The following RYR2 variants were observed in gnomAD, a reference collection of about 807,000 sequenced individuals.
RYR2 encodes cardiac muscle ryanodine receptor-calcium release channel.
RYR2 carries 227 observed loss-of-function variants against 601.1 expected under a neutral mutation model. That is an observed-to-expected ratio of 0.38 (90% CI 0.34 to 0.42). RYR2 has a LOEUF of 0.42. RYR2 is among the 10% of genes least tolerant of loss of function. The pLI, the probability that RYR2 is intolerant of heterozygous loss-of-function variation, is 1.00. For missense variants in RYR2, 4,646 were observed against 6,156.5 expected (o/e 0.75, Z 8.21); for synonymous variants, 2,223 against 2,175.1 (o/e 1.02, Z -0.61).
intron 10 of RYR2, among the ~76,000 whole-genome samples, chr1:237,402,644 C>T (rs771194301): frequency 2.0e-5 from 3 of 152,150 alleles, no homozygotes; most frequent in Non-Finnish European, 2.9e-5. Flanking sequence ...GATTGGGAAA[C>T]AGGCTGGGCT....
Position 237,831,542 on chromosome 1 carries a change from G to A in RYR2, c.14785G>A (p.Asp4929Asn). 1 of 1,571,592 alleles carries A rather than the reference G, an allele frequency of 6.4e-7. No individual in the cohort carries two copies. Among genetic ancestry groups the A allele is most frequent in the Non-Finnish European group, 8.7e-7 (1 of 1,144,858 alleles). Residue 4929 changes from aspartate to asparagine, a missense_variant, in exon 104 of 105, where the codon GAT becomes AAT. Physicochemically the swap from Asp to Asn is conservative, Grantham distance 23. Coordinates refer to ENST00000366574, the MANE Select transcript of RYR2 (RefSeq NM_001035.3). Reference protein sequence around the residue: ...LFFLMYLINKDETEHTGQESY... With the variant: ...LFFLMYLINKNETEHTGQESY... ...TTTTCTGATGTATCTTATAAACAAA[G>A]ATGAAACAGAACACACAGGACAGGT...
intron 29 of RYR2, among the ~76,000 whole-genome samples, chr1:237,574,853 A>T (rs1185213926): frequency 6.6e-6 from 1 of 152,174 alleles, no homozygotes; most frequent in Admixed American, 6.5e-5. Flanking sequence ...TACCATCTTG[A>T]TTATATCCTT....
chr1:237,594,889 T>A (rs58318685), intron 33 of RYR2, among the ~76,000 whole-genome samples: 1 of 13,014 alleles, frequency 7.7e-5, no homozygotes, highest in African/African-American at 1.4e-4. Context: ...TCACTGGGTT[T>A]TTTTTTTTTT....
Position 237,180,658 on chromosome 1 carries a change from A to G in RYR2, c.49-89839A>G, listed in dbSNP as rs1359915747. On this transcript the variant is annotated intron_variant, in intron 1 of 104. Transcript: ENST00000366574. The surrounding 1 kb of genome is among the most constrained non-coding windows in gnomAD (Gnocchi z 5.3). ...TATATATGTATATGTATATGTGTAT[A>G]TATGTATACATGTGTATATATGTGT... 7.5e-6 allele frequency among the ~76,000 whole-genome samples: 1 copy of G among 133,026 alleles called. No individual in the cohort carries two copies. The highest frequency in any genetic ancestry group is 1.6e-5 in the Non-Finnish European group (1 of 63,114). 87.3% of individuals were successfully genotyped at this position (133,026 alleles called of 152,430 possible).
intron 1 of RYR2, among the ~76,000 whole-genome samples, chr1:237,220,750 G>T (rs1454813814): frequency 6.6e-6 from 1 of 152,126 alleles, no homozygotes; most frequent in African/African-American, 2.4e-5. Context: ...AGGAAGTACT[G>T]GTTGGGAGAA....
intron 10 of RYR2, among the ~76,000 whole-genome samples, chr1:237,401,083 C>T (rs980616365): frequency 1.1e-4 from 17 of 152,120 alleles, no homozygotes; most frequent in African/African-American, 3.6e-4. Flanking sequence ...TGGGATTTGC[C>T]ATAAGACAAT....
At chr1:237,436,912 A>T (rs1327571263) in intron 12 of RYR2, among the ~76,000 whole-genome samples, 2 of 151,160 alleles carry the variant, frequency 1.3e-5, no homozygotes, top group African/African-American at 4.9e-5. Flanking sequence ...CTATGTGTAT[A>T]AGGCCACAGT....
chr1:237,176,469 G>A (rs1678073017), intron 1 of RYR2, among the ~76,000 whole-genome samples: 1 of 151,254 alleles, frequency 6.6e-6, no homozygotes, highest in African/African-American at 2.4e-5. Flanking sequence ...TCACAAAAAT[G>A]GCCAAAAGAT....
intron 1 of RYR2, among the ~76,000 whole-genome samples, chr1:237,118,645 C>T (rs1227710787): frequency 2.6e-5 from 4 of 152,006 alleles, no homozygotes; most frequent in Admixed American, 1.3e-4. Flanking sequence ...GCTCTTGTCA[C>T]CCAGGCTGGA....
At chr1:237,208,936 G>GTATATATATATA (rs56133827) in intron 1 of RYR2, among the ~76,000 whole-genome samples, 2 of 89,872 alleles carry the variant, frequency 2.2e-5, no homozygotes, top group African/African-American at 8.8e-5. Flanking sequence ...ATGTGTGTGT[G>GTATATATATATA]TATATATATA....
chr1:237,430,508 A>C (rs1247100734), intron 12 of RYR2, among the ~76,000 whole-genome samples: 1 of 152,142 alleles, frequency 6.6e-6, no homozygotes, highest in Non-Finnish European at 1.5e-5. Context: ...TACACTAATC[A>C]TTTAACTCAC....
chr1:237,495,267 C>T (rs559619100), intron 19 of RYR2, among the ~76,000 whole-genome samples: 5 of 152,164 alleles, frequency 3.3e-5, no homozygotes, highest in South Asian at 4.1e-4. Flanking sequence ...TAACTAGTGC[C>T]GGGTCACAGA....
intron 6 of RYR2, among the ~76,000 whole-genome samples, chr1:237,372,551 G>A (rs1329672595): frequency 1.3e-5 from 2 of 152,224 alleles, no homozygotes; most frequent in East Asian, 1.9e-4. Flanking sequence ...TCATAAAGTG[G>A]TTGGATGTAA....
At chr1:237,135,193 C>G (rs1349160406) in intron 1 of RYR2, among the ~76,000 whole-genome samples, 1 of 152,048 alleles carries the variant, frequency 6.6e-6, no homozygotes, top group Non-Finnish European at 1.5e-5. Flanking sequence ...ATCTTAGTAA[C>G]AGCAACCAAG....
At chr1:237,608,806 T>TG (rs1414256402) in intron 35 of RYR2, among the ~76,000 whole-genome samples, 2 of 150,972 alleles carry the variant, frequency 1.3e-5, no homozygotes, top group East Asian at 2.0e-4. Context: ...GTTTTTTTTT[T>TG]TTTTTTTTTT....
At chr1:237,625,573 G>T (rs1345901054) in intron 39 of RYR2, 88 bp from the exon 40 acceptor site, 10 of 1,327,498 alleles carry the variant, frequency 7.5e-6, no homozygotes, top group Admixed American at 2.0e-5. Context: ...TCTAAGTTGT[G>T]CATGAAAGAA....
chr1:237,200,262 C>A (rs1681035408), intron 1 of RYR2, among the ~76,000 whole-genome samples: 1 of 151,956 alleles, frequency 6.6e-6, no homozygotes, highest in Non-Finnish European at 1.5e-5. Context: ...CTGCCCCAAC[C>A]ATTCCATTCT....
Position 237,795,595 on chromosome 1 carries a change from C to T in RYR2, c.13956+264C>T, listed in dbSNP as rs531170910. ...TCTCCCGAGTGGCTGGGATTCCAGGCGCCTGCCACCACACCCGGCTAATTT... is the reference window on the plus strand; with the variant it reads ...TCTCCCGAGTGGCTGGGATTCCAGGTGCCTGCCACCACACCCGGCTAATTT... On this transcript the variant is annotated intron_variant, in intron 96 of 104. Transcript: ENST00000366574. Among the ~76,000 whole-genome samples, 25 of 147,722 alleles carry T rather than the reference C, an allele frequency of 1.7e-4. No homozygotes were observed. In the East Asian group the frequency reaches 4.6e-3, roughly 27 times the overall value.
At position 237,506,752 on chromosome 1, in the gene RYR2, G is replaced by C. The variant is rs752663219; in HGVS notation, c.2656G>C (p.Ala886Pro). The C allele has an allele frequency of 6.2e-7, 1 of 1,613,712 alleles. No individual in the cohort carries two copies. Among genetic ancestry groups the C allele is most frequent in the Non-Finnish European group, 8.5e-7 (1 of 1,179,758 alleles). The change falls in exon 23 of 105, where the codon GCA becomes CCA. Residue 886 changes from alanine (A) to proline (P), a missense_variant. By Grantham distance (27) the Ala-to-Pro change is conservative. Coordinates refer to ENST00000366574, the MANE Select transcript of RYR2 (RefSeq NM_001035.3). ...PHLERIREKL[A>P]ENIHELWVMN... is the part of the protein sequence containing the mutation. ...TCTAGAAAGAATAAGAGAAAAACTG[G>C]CAGAGAATATCCATGAACTCTGGGT... is the stretch of plus-strand genomic sequence containing the variant.
Sources: gnomAD v4.1 joint callset for allele counts (sites outside exome capture counted in the v4.1 genomes callset) on GRCh38, gnomAD v4.1.1 for gene constraint, Gnocchi (gnomAD v3.1) non-coding constraint, MANE v1.5 for transcripts, NCBI Gene and HGNC (gene_info 2026-07-23, HGNC 2026-07-21) for gene names.